NPAT: variants seen among roughly 807,000 people sequenced by gnomAD.
The protein encoded by NPAT is nuclear protein, coactivator of histone transcription, also known as protein NPAT.
A neutral mutation model predicts 130.7 loss-of-function variants in NPAT; 52 were observed. The ratio of observed to expected loss-of-function variants is 0.40; its 90% CI spans 0.32 to 0.50. NPAT has a LOEUF of 0.50. NPAT is among the 20% of genes least tolerant of loss of function. The pLI, the probability that NPAT is intolerant of heterozygous loss-of-function variation, is 0.68. For synonymous variants in NPAT, 580 were observed against 584.8 expected (o/e 0.99, Z 0.12); for missense variants, 1,687 against 1,662.6 (o/e 1.01, Z -0.26).
intron 6 of NPAT, 123 bp downstream of exon 6, chr11:108,188,983 T>A: frequency 1.3e-6 from 1 of 771,618 alleles, no homozygotes; most frequent in Non-Finnish European, 2.2e-6. Flanking sequence ...CCACTTTTAG[T>A]CTCTCTCATC....
Position 108,158,770 on chromosome 11 carries a change from A to G in NPAT, c.*172T>C, listed in dbSNP as rs576388408. 2.8e-5 allele frequency: 16 copies of G among 564,316 alleles called. No individual in the cohort carries two copies. In the East Asian group the frequency reaches 4.3e-4, roughly 15 times the overall value. The allele number at this position is 564,316 out of a possible 1,614,324, so 35.0% of individuals were successfully genotyped here. ...AAATAAAAATATACCAAGTAAGTCT[A>G]TTTACAAACTAGGAAGCTGTTTCAG... is the stretch of plus-strand genomic sequence containing the variant. On this transcript the variant is annotated 3_prime_UTR_variant, in exon 18 of 18. Coordinates refer to ENST00000278612, the MANE Select transcript of NPAT (RefSeq NM_002519.3).
intron 12 of NPAT, among the ~76,000 whole-genome samples, chr11:108,174,916 G>C (rs116179674): frequency 0.01 from 1,580 of 152,256 alleles, 35 homozygotes; most frequent in African/African-American, 0.036. Context: ...ACTGTGCCTG[G>C]CCTGGAAAAA....
chr11:108,175,320 C>A (rs1056904666), intron 12 of NPAT, among the ~76,000 whole-genome samples: 1 of 152,132 alleles, frequency 6.6e-6, no homozygotes, highest in Non-Finnish European at 1.5e-5. Flanking sequence ...ATTTCAGGCA[C>A]CCACTGGGGG....
intron 15 of NPAT, among the ~76,000 whole-genome samples, chr11:108,165,575 C>T (rs2077894882): frequency 6.6e-6 from 1 of 151,118 alleles, no homozygotes; most frequent in Non-Finnish European, 1.5e-5. Context: ...AGTGATCCTC[C>T]CACCTCAGCA....
At chr11:108,180,422 T>C (rs1370293505) in intron 10 of NPAT, among the ~76,000 whole-genome samples, 8 of 152,200 alleles carry the variant, frequency 5.3e-5, no homozygotes, top group Admixed American at 3.3e-4. Context: ...AACAGACATT[T>C]ATCCAAAAAA....
chr11:108,172,290 A>G lies in NPAT; in HGVS notation c.2694T>C (p.Thr898=), dbSNP rs749480404. 3.7e-6 allele frequency: 6 copies of G among 1,614,002 alleles called. No individual in the cohort carries two copies. The highest frequency in any genetic ancestry group is 4.2e-6 in the Non-Finnish European group (5 of 1,179,944). The change falls in exon 13 of 18, where the codon ACT becomes ACC. Residue 898 remains threonine (T), a synonymous_variant. Coordinates refer to ENST00000278612, the MANE Select transcript of NPAT (RefSeq NM_002519.3). ...VVLPGNSAPM[T]AQPLPPQLQT... ...GTAACTGAGGTGGTAGAGGTTGAGC[A>G]GTCATAGGTGCAGAATTTCCAGGCA...
intron 8 of NPAT, 144 bp downstream of exon 8, chr11:108,186,335 CCAA>C (rs1178556093): frequency 1.8e-5 from 12 of 669,078 alleles, no homozygotes; most frequent in South Asian, 1.2e-4. Flanking sequence ...ATTAAATGAT[CCAA>C]CAACAACAAT....
Position 108,172,185 on chromosome 11 carries a change from G to A in NPAT, c.2785+14C>T. 1 of 1,609,312 alleles carries A rather than the reference G, an allele frequency of 6.2e-7. No homozygotes were observed. The highest frequency in any genetic ancestry group is 8.5e-7 in the Non-Finnish European group (1 of 1,175,638). The stretch of plus-strand genomic sequence containing the variant: ...ACCCAGAGAAACAAATTTCAATTAT[G>A]TTATTAAAGTTACCTTGTGAAAAGT... On this transcript the variant is annotated intron_variant, in intron 13 of 17. Coordinates refer to ENST00000278612, the MANE Select transcript of NPAT (RefSeq NM_002519.3).
intron 1 of NPAT, among the ~76,000 whole-genome samples, chr11:108,215,640 C>T (rs1011212621): frequency 6.6e-6 from 1 of 152,164 alleles, no homozygotes; most frequent in Non-Finnish European, 1.5e-5. Context: ...AATAAGGTTG[C>T]CTACAAAGTC....
intron 1 of NPAT, among the ~76,000 whole-genome samples, chr11:108,216,051 G>A (rs1324390019): frequency 6.6e-6 from 1 of 152,196 alleles, no homozygotes; most frequent in East Asian, 1.9e-4. Context: ...GAATAGGTGA[G>A]TTAGCTGTTA....
In NPAT at chr11:108,193,942, A is replaced by C. The variant is rs773108102; in HGVS notation, c.217+15T>G. 7 of 1,517,086 alleles carry C rather than the reference A, an allele frequency of 4.6e-6. No homozygotes were observed. Among genetic ancestry groups the C allele is most frequent in the East Asian group, 4.5e-5 (2 of 44,362 alleles). 94.0% of individuals were successfully genotyped at this position (1,517,086 alleles called of 1,614,324 possible). A position where few individuals can be genotyped will look rare whatever the true frequency, so the allele number is the denominator to read the frequency against. On this transcript the variant is annotated intron_variant, in intron 3 of 17. Transcript: ENST00000278612. ...TGTATACATCAGCAAAAAAACTCCA[A>C]ATCAGAACTCTTACCTTTTGTTTTC...
At chr11:108,222,380 C>T in intron 1 of NPAT, 120 bp downstream of exon 1, 1 of 1,054,352 alleles carries the variant, frequency 9.5e-7, no homozygotes, top group Non-Finnish European at 1.4e-6. Flanking sequence ...CCAGTCTCAA[C>T]TCGTAAGCTG....
At chr11:108,165,217 A>G (rs2077889900) in intron 15 of NPAT, among the ~76,000 whole-genome samples, 1 of 151,912 alleles carries the variant, frequency 6.6e-6, no homozygotes, top group African/African-American at 2.4e-5. Flanking sequence ...TTGAACAGAA[A>G]CTTTAAATTC....
intron 14 of NPAT, 34 bp from the exon 15 acceptor site, chr11:108,169,886 T>G (rs916740219): frequency 5.0e-6 from 8 of 1,608,720 alleles, no homozygotes; most frequent in Non-Finnish European, 6.8e-6. Context: ...TACACTAAGC[T>G]TGAAAAGCAT....
chr11:108,215,189 A>C (rs2078421751), intron 1 of NPAT, among the ~76,000 whole-genome samples: 1 of 152,174 alleles, frequency 6.6e-6, no homozygotes, highest in African/African-American at 2.4e-5. Flanking sequence ...CTACTATTAA[A>C]TATTCCCTTA....
chr11:108,165,415 T>C (rs1283463421), intron 15 of NPAT, among the ~76,000 whole-genome samples: 1 of 149,576 alleles, frequency 6.7e-6, no homozygotes, highest in Non-Finnish European at 1.5e-5. Flanking sequence ...CAGTTTCTTT[T>C]ATTTTCTTCT....
At chr11:108,180,196 A>G (rs1361689362) in intron 10 of NPAT, among the ~76,000 whole-genome samples, 1 of 152,132 alleles carries the variant, frequency 6.6e-6, no homozygotes, top group East Asian at 1.9e-4. Flanking sequence ...GCATGGTGAC[A>G]CACACCTGTA....
intron 1 of NPAT, among the ~76,000 whole-genome samples, chr11:108,207,361 T>G (rs2078338684): frequency 6.6e-6 from 1 of 152,224 alleles, no homozygotes; most frequent in Non-Finnish European, 1.5e-5. Context: ...CTTGAAGGTG[T>G]GGCTTCACCA....
At chr11:108,196,773 A>T (rs2078225789) in intron 2 of NPAT, among the ~76,000 whole-genome samples, 1 of 152,228 alleles carries the variant, frequency 6.6e-6, no homozygotes. Flanking sequence ...ACCCTGCTTA[A>T]CTTTAGTTTT....
Sources: gnomAD v4.1 joint callset for allele counts (sites outside exome capture counted in the v4.1 genomes callset) on GRCh38, gnomAD v4.1.1 for gene constraint, MANE v1.5 for transcripts, NCBI Gene and HGNC (gene_info 2026-07-23, HGNC 2026-07-21) for gene names.